Variants in MSH5 observed in about 807,000 individuals in gnomAD.
The protein encoded by MSH5 is mutS protein homolog 5.
MSH5 carries 78 observed loss-of-function variants against 107.7 expected under a neutral mutation model. The ratio of observed to expected loss-of-function variants is 0.72; its 90% CI spans 0.60 to 0.87. The LOEUF (loss-of-function observed/expected upper bound fraction) is 0.87. Among genes scored for constraint, MSH5 ranks in the 40% least tolerant of loss-of-function variants. MSH5 has a pLI of 0.00. For missense variants in MSH5, 889 were observed against 1,046.6 expected, an observed-to-expected ratio of 0.85 and a Z score of 2.08; for synonymous variants, 326 against 399.5, an observed-to-expected ratio of 0.82 and a Z score of 2.19.
chr6:31,740,401 GCCT>G lies in MSH5; in HGVS notation c.-13-48_-13-46del. The G allele has an allele frequency of 6.5e-7, 1 of 1,527,896 alleles. No homozygotes were observed. Among genetic ancestry groups the G allele is most frequent in the Non-Finnish European group, 8.8e-7 (1 of 1,135,678 alleles). The allele number at this position is 1,527,896 out of a possible 1,614,324, so 94.6% of individuals were successfully genotyped here. ...GCATTCTGCGCGCCACCCTACCCCGGCCTCCTCTGTGAATCGTTGCTTCCGAAC... is the reference window on the plus strand; with the variant it reads ...GCATTCTGCGCGCCACCCTACCCCGGCCTCTGTGAATCGTTGCTTCCGAAC... On this transcript the variant is annotated intron_variant, in intron 1 of 24. Transcript: ENST00000375750. This position sits in a 1 kb window ranked among gnomAD's most constrained non-coding sequence, Gnocchi z 4.4.
At position 31,760,083 on chromosome 6, in the gene MSH5, A is replaced by G. The variant is rs1165934217; in HGVS notation, c.1686-7A>G. ...AGCCATGCGAGGTGCCTCTCCGCCC[A>G]CTGCAGACATCCTCTGATGGAACTC... On this transcript the variant is annotated splice_polypyrimidine_tract_variant and splice_region_variant and intron_variant, in intron 18 of 24. Transcript: ENST00000375750. This position sits in a 1 kb window ranked among gnomAD's most constrained non-coding sequence, Gnocchi z 5.6. 1.5e-5 allele frequency: 24 copies of G among 1,601,132 alleles called. No homozygotes were observed. Among genetic ancestry groups the G allele is most frequent in the Non-Finnish European group, 2.0e-5 (23 of 1,172,786 alleles).
Position 31,744,294 on chromosome 6 carries a change from T to A in MSH5, c.642T>A (p.Phe214Leu), listed in dbSNP as rs1470357782. ...TCCCCATCCTGGGCTTTAAGAAATT[T>A]ATGTTGTAGGTGATTCACCCCAACC... Reference protein sequence around the residue: ...VSVPILGFKKFMLTHLVNIDQ... With the variant: ...VSVPILGFKKLMLTHLVNIDQ... Residue 214 changes from phenylalanine (F) to leucine (L), a missense_variant, in exon 7 of 25, where the codon TTT (phenylalanine) becomes TTA (leucine). By Grantham distance (22) the Phe-to-Leu change is conservative. Around this residue, in one of 3 missense-constraint regions of MSH5, gnomAD observed 518 missense variants for 565.0 expected, o/e 0.92. Coordinates refer to ENST00000375750, the MANE Select transcript of MSH5 (RefSeq NM_172166.4). 2 of 1,614,116 alleles carry A rather than the reference T, an allele frequency of 1.2e-6. No individual in the cohort carries two copies. Among genetic ancestry groups the A allele is most frequent in the Non-Finnish European group, 1.7e-6 (2 of 1,180,018 alleles).
chr6:31,748,344 C>CTTTTTT (rs36029092), intron 10 of MSH5, among the ~76,000 whole-genome samples: 12 of 126,564 alleles, frequency 9.5e-5, no homozygotes, highest in East Asian at 2.5e-4. Flanking sequence ...CATGTCACTC[C>CTTTTTT]TTTTTTTTTT....
At chr6:31,754,259 C>T (rs1032288068) in intron 12 of MSH5, among the ~76,000 whole-genome samples, 6 of 151,670 alleles carry the variant, frequency 4.0e-5, no homozygotes, top group African/African-American at 1.5e-4. Flanking sequence ...AAGTGATTCT[C>T]CTACCTCAGC....
rs373726762 is a variant in MSH5, at chr6:31,755,318, AGTTT to A, written c.1014+1690_1014+1693del. On this transcript the variant is annotated intron_variant, in intron 12 of 24. Transcript: ENST00000375750. ...AGGTGATGGCCATCACACCGAACTA[AGTTT>A]TTATTTTTTGCTTGCATTTATTTAT... Among the ~76,000 whole-genome samples, 652 of 148,098 alleles carry A rather than the reference AGTTT, an allele frequency of 4.4e-3. 22 individuals carry two copies. In the South Asian group the frequency reaches 0.084, roughly 19 times the overall value.
chr6:31,749,877 G>A (rs974551870), intron 10 of MSH5, among the ~76,000 whole-genome samples: 2 of 152,144 alleles, frequency 1.3e-5, no homozygotes, highest in East Asian at 3.9e-4. Context: ...CTAGCCTCAG[G>A]TGCACAATCC....
chr6:31,761,630 C>G lies in MSH5; in HGVS notation c.2181+15C>G. ...TGCAGTATTTGGTGAGGAGACCAATCTAGCTCCTCGGGGACCCCCAGGCTG... is the reference window on the plus strand; with the variant it reads ...TGCAGTATTTGGTGAGGAGACCAATGTAGCTCCTCGGGGACCCCCAGGCTG... On this transcript the variant is annotated intron_variant, in intron 22 of 24. Transcript: ENST00000375750. This position sits in a 1 kb window ranked among gnomAD's most constrained non-coding sequence, Gnocchi z 5.3. The G allele has an allele frequency of 6.2e-7, 1 of 1,614,044 alleles. No homozygotes were observed. Among genetic ancestry groups the G allele is most frequent in the African/African-American group, 1.3e-5 (1 of 75,064 alleles).
chr6:31,759,529 G>A lies in MSH5; in HGVS notation c.1495+17G>A. On this transcript the variant is annotated intron_variant, in intron 17 of 24. Coordinates refer to ENST00000375750, the MANE Select transcript of MSH5 (RefSeq NM_172166.4). This position sits in a 1 kb window ranked among gnomAD's most constrained non-coding sequence, Gnocchi z 4.7. ...AGATCCGGGGTGAGGAAAAGCCAGA[G>A]GTTATATGCATTGTAAGATGTTTAA... 6.2e-7 allele frequency: 1 copy of A among 1,611,782 alleles called. No individual in the cohort carries two copies. Among genetic ancestry groups the A allele is most frequent in the Non-Finnish European group, 8.5e-7 (1 of 1,179,662 alleles).
Position 31,741,268 on chromosome 6 carries a change from C to G in MSH5, c.253C>G (p.Leu85Val). ...GCCAGATGCCCCAGACCACGAGAGC[C>G]TCAAGCTTCTCCAGAGAGGTGGGGA... ...FMPDAPDHES[L>V]KLLQRVLDEI... Residue 85 changes from leucine (L) to valine (V), a missense_variant, in exon 3 of 25, where the codon CTC (leucine) becomes GTC (valine). Transcript: ENST00000375750. The G allele has an allele frequency of 6.2e-7, 1 of 1,612,106 alleles. No homozygotes were observed. The highest frequency in any genetic ancestry group is 8.5e-7 in the Non-Finnish European group (1 of 1,179,662).
rs1287197549 is a variant in MSH5, at chr6:31,761,222, C to T, written c.1997C>T (p.Ser666Leu). ...GCAGTGAACAATGCCACTGCACAGT[C>T]GCTGGTCCTTATTGATGAATTTGGA... is the stretch of plus-strand genomic sequence containing the variant. ...AKAVNNATAQ[S>L]LVLIDEFGKG... Residue 666 changes from serine (S) to leucine (L), a missense_variant, in exon 21 of 25, where the codon TCG (serine) becomes TTG (leucine). Around this residue, in one of 3 missense-constraint regions of MSH5, gnomAD observed 362 missense variants for 456.2 expected, o/e 0.79. Transcript: ENST00000375750. The surrounding 1 kb of genome is among the most constrained non-coding windows in gnomAD (Gnocchi z 5.3). The T allele has an allele frequency of 6.2e-6, 10 of 1,613,752 alleles. No homozygotes were observed. The East Asian group carries it at 1.3e-4, about 22-fold the overall frequency.
At position 31,759,389 on chromosome 6, in the gene MSH5, G is replaced by C. The variant is rs1810755582; in HGVS notation, c.1408-36G>C. ...ATGGGGAAGGAGAGGAGGACCAAGA[G>C]ATGCAAAGTCCACAGCTTTGAACCC... On this transcript the variant is annotated intron_variant, in intron 16 of 24. Coordinates refer to ENST00000375750, the MANE Select transcript of MSH5 (RefSeq NM_172166.4). The surrounding 1 kb of genome is among the most constrained non-coding windows in gnomAD (Gnocchi z 4.7). 6 of 1,602,274 alleles carry C rather than the reference G, an allele frequency of 3.7e-6. No homozygotes were observed. Among genetic ancestry groups the C allele is most frequent in the Non-Finnish European group, 5.1e-6 (6 of 1,170,840 alleles).
In MSH5 at chr6:31,761,817, G is replaced by T; in HGVS notation, c.2182-1G>T. The T allele has an allele frequency of 6.2e-7, 1 of 1,613,018 alleles. No homozygotes were observed. Among genetic ancestry groups the T allele is most frequent in the South Asian group, 1.1e-5 (1 of 91,044 alleles). On this transcript the variant is annotated splice_acceptor_variant, in intron 22 of 24. Coordinates refer to ENST00000375750, the MANE Select transcript of MSH5 (RefSeq NM_172166.4). LOFTEE classifies it high-confidence loss of function. This position sits in a 1 kb window ranked among gnomAD's most constrained non-coding sequence, Gnocchi z 5.3. ...TACACTGTCTTTTATTCTCTTTTAA[G>T]ACCATGGAGACCTGTGAGGATGGCA... is the stretch of plus-strand genomic sequence containing the variant.
rs1241691080 is a variant in MSH5, at chr6:31,758,673, A to G, written c.1216+53A>G. ...GAGCCCTGCGCAGTGATGGAGTACC[A>G]TCCTTGGCAGGTGGTCACCACAGCT... On this transcript the variant is annotated intron_variant, in intron 14 of 24. Coordinates refer to ENST00000375750, the MANE Select transcript of MSH5 (RefSeq NM_172166.4). The surrounding 1 kb of genome is among the most constrained non-coding windows in gnomAD (Gnocchi z 5.1). 11 of 1,610,866 alleles carry G rather than the reference A, an allele frequency of 6.8e-6. No individual in the cohort carries two copies. Among genetic ancestry groups the G allele is most frequent in the Admixed American group, 1.7e-5 (1 of 59,978 alleles).
In MSH5 at chr6:31,758,281, C is replaced by G. The variant is rs1030027740; in HGVS notation, c.1131C>G (p.Leu377=). ...ATGACCTGCACCATATCGCCAGCCT[C>G]ATTGGGAAAGTAGTGAGTAGAAGGA... ...FSDDLHHIAS[L]IGKVVDFEGS... Residue 377 remains leucine, a synonymous_variant, in exon 13 of 25, where the codon CTC becomes CTG. Coordinates refer to ENST00000375750, the MANE Select transcript of MSH5 (RefSeq NM_172166.4). This position sits in a 1 kb window ranked among gnomAD's most constrained non-coding sequence, Gnocchi z 5.1. 2 of 1,612,748 alleles carry G rather than the reference C, an allele frequency of 1.2e-6. No individual in the cohort carries two copies.
rs1410358780 is a variant in MSH5 at position 31,759,012 on chromosome 6, A to G, written c.1327-85A>G. 1.3e-5 allele frequency: 19 copies of G among 1,439,514 alleles called. No homozygotes were observed. Among genetic ancestry groups the G allele is most frequent in the Non-Finnish European group, 1.5e-5 (15 of 1,022,746 alleles). 89.2% of individuals were successfully genotyped at this position (1,439,514 alleles called of 1,614,324 possible). ...AACACTTTTTTGTGGGGATACAGGG[A>G]TCTTTTAAGCTCCCTCTAGGGTGGG... On this transcript the variant is annotated intron_variant, in intron 15 of 24. Transcript: ENST00000375750. The surrounding 1 kb of genome is among the most constrained non-coding windows in gnomAD (Gnocchi z 4.7).
intron 3 of MSH5, 21 bp from the exon 4 acceptor site, chr6:31,742,856 G>C (rs1809034682): frequency 6.2e-7 from 1 of 1,611,426 alleles, no homozygotes. Flanking sequence ...TAACTCATTT[G>C]ATCTCTGTTC....
chr6:31,756,540 C>T (rs1202254611), intron 12 of MSH5: 2 of 152,188 alleles, frequency 1.3e-5, no homozygotes, highest in African/African-American at 4.8e-5. Flanking sequence ...CATTTATTAG[C>T]CAGAAATTTC....
chr6:31,755,267 T>G (rs2151368367), intron 12 of MSH5, among the ~76,000 whole-genome samples: 1 of 152,256 alleles, frequency 6.6e-6, no homozygotes, highest in Admixed American at 6.5e-5. Context: ...TCCTCCCCCC[T>G]CAGCCTCCTG....
At chr6:31,744,418 CG>C in intron 7 of MSH5, 119 bp downstream of exon 7, 1 of 1,527,426 alleles carries the variant, frequency 6.5e-7, no homozygotes, top group Admixed American at 1.7e-5. Context: ...CTAGGACACC[CG>C]GGAGAATCTA....
Sources: allele counts gnomAD v4.1 joint callset (sites outside exome capture counted in the v4.1 genomes callset), GRCh38; gene constraint gnomAD v4.1.1; regional missense constraint gnomAD v4.1.1; non-coding constraint Gnocchi (gnomAD v3.1); transcripts MANE v1.5; gene names NCBI Gene and HGNC (gene_info 2026-07-23, HGNC 2026-07-21).